The following FLNC variants were observed in gnomAD, a reference collection of about 807,000 sequenced individuals.
FLNC encodes filamin-C.
FLNC carries 91 observed loss-of-function variants against 254.3 expected under a neutral mutation model. That is an observed-to-expected ratio of 0.36 (90% CI 0.30 to 0.43). The LOEUF is 0.43. FLNC is among the 20% of genes least tolerant of loss of function. The probability of loss-of-function intolerance (pLI) is 1.00; values close to 1 mark genes in which losing one functional copy is unlikely to be tolerated. For missense variants in FLNC, 2,853 were observed against 3,802.6 expected (o/e 0.75, Z 6.57); for synonymous variants, 1,430 against 1,577.2 (o/e 0.91, Z 2.21).
Position 128,847,693 on chromosome 7 carries a change from A to G in FLNC, c.4289-4A>G. 6.2e-7 allele frequency: 1 copy of G among 1,613,876 alleles called. No homozygotes were observed. Among genetic ancestry groups the G allele is most frequent in the Non-Finnish European group, 8.5e-7 (1 of 1,179,886 alleles). On this transcript the variant is annotated splice_polypyrimidine_tract_variant and splice_region_variant and intron_variant, in intron 24 of 47. Transcript: ENST00000325888. ...GGCAGGGTCTAATGTCCTTCTCCTC[A>G]CAGGGAGCCCGTTCCGCGTGCCAGT...
intron 1 of FLNC, among the ~76,000 whole-genome samples, chr7:128,834,926 A>G (rs778994551): frequency 7.9e-5 from 12 of 152,144 alleles, no homozygotes; most frequent in Non-Finnish European, 1.8e-4. Context: ...AGCTTCTCAA[A>G]CTTCATTCTC....
chr7:128,856,052 A>G lies in FLNC; in HGVS notation c.7252-466A>G, dbSNP rs1159855138. The stretch of plus-strand genomic sequence containing the variant: ...TCCCACTCCTGAACTGGGCTCCCCG[A>G]TGCAGGCTCCAATCCCTCCCCCAGA... On this transcript the variant is annotated intron_variant, in intron 43 of 47. Coordinates refer to ENST00000325888, the MANE Select transcript of FLNC (RefSeq NM_001458.5). This position sits in a 1 kb window ranked among gnomAD's most constrained non-coding sequence, Gnocchi z 5.9. Among the ~76,000 whole-genome samples, 3 of 152,050 alleles carry G rather than the reference A, an allele frequency of 2.0e-5. No homozygotes were observed. The highest frequency in any genetic ancestry group is 4.4e-5 in the Non-Finnish European group (3 of 67,994).
At position 128,830,598 on chromosome 7, in the gene FLNC, CGCG is replaced by C. The variant is rs1562988717; in HGVS notation, c.-37_-35del. On this transcript the variant is annotated 5_prime_UTR_variant, in exon 1 of 48. Coordinates refer to ENST00000325888, the MANE Select transcript of FLNC (RefSeq NM_001458.5). Reference sequence around the variant, plus strand: ...CCCGACAGCCCCCGATAGCCCAAACCGCGGCCCTAGCCCCGGCCGCACCCCCAG... The same window carrying C: ...CCCGACAGCCCCCGATAGCCCAAACCGCCCTAGCCCCGGCCGCACCCCCAG... 1 of 1,586,132 alleles carries C rather than the reference CGCG, an allele frequency of 6.3e-7. No homozygotes were observed. The highest frequency in any genetic ancestry group is 8.6e-7 in the Non-Finnish European group (1 of 1,159,606).
rs1420123492 is a variant in FLNC, at chr7:128,843,533, A to C, written c.2767A>C (p.Asn923His). 22 of 1,613,754 alleles carry C rather than the reference A, an allele frequency of 1.4e-5. No individual in the cohort carries two copies. The highest frequency in any genetic ancestry group is 1.9e-5 in the Non-Finnish European group (22 of 1,180,012). Residue 923 changes from asparagine (N) to histidine (H), a missense_variant, in exon 18 of 48, where the codon AAC becomes CAC. Around this residue, in one of 10 missense-constraint regions of FLNC, gnomAD observed 1,573 missense variants for 1,883.5 expected, o/e 0.84. Coordinates refer to ENST00000325888, the MANE Select transcript of FLNC (RefSeq NM_001458.5). ...TGTGCGGGACTTTGAGATCATAGACAACCATGACTACTCCTACACTGTCAA... is the reference window on the plus strand; with the variant it reads ...TGTGCGGGACTTTGAGATCATAGACCACCATGACTACTCCTACACTGTCAA... ...EVVRDFEIID[N>H]HDYSYTVKYT...
In FLNC at chr7:128,852,876, G is replaced by A. The variant is rs764326184; in HGVS notation, c.6053G>A (p.Arg2018His). 52 of 1,613,610 alleles carry A rather than the reference G, an allele frequency of 3.2e-5. No homozygotes were observed. Among genetic ancestry groups the A allele is most frequent in the Non-Finnish European group, 3.8e-5 (45 of 1,180,006 alleles). The change falls in exon 37 of 48, where the codon CGC (arginine) becomes CAC (histidine). Residue 2018 changes from arginine (R) to histidine (H), a missense_variant. Transcript: ENST00000325888. ...KEVGEHVVSV[R>H]KSGKHVTNSP... Reference sequence around the variant, plus strand: ...GTCGGGGAGCACGTGGTGAGCGTGCGCAAGAGTGGCAAGCATGTCACCAAC... The same window carrying A: ...GTCGGGGAGCACGTGGTGAGCGTGCACAAGAGTGGCAAGCATGTCACCAAC...
In FLNC at chr7:128,854,528, G is replaced by A. The variant is rs2128939497; in HGVS notation, c.6843G>A (p.Gln2281=). The part of the protein sequence containing the change: ...DSAYSVRFVP[Q]EMGPHTVAVK... ...CCTACAGCGTGCGCTTTGTGCCCCAGGAAATGGGGCCCCATACGGTCGCTG... is the reference window on the plus strand; with the variant it reads ...CCTACAGCGTGCGCTTTGTGCCCCAAGAAATGGGGCCCCATACGGTCGCTG... The change falls in exon 41 of 48, where the codon CAG becomes CAA. Residue 2281 remains glutamine (Q), a synonymous_variant. Coordinates refer to ENST00000325888, the MANE Select transcript of FLNC (RefSeq NM_001458.5). The A allele has an allele frequency of 6.2e-7, 1 of 1,606,718 alleles. No individual in the cohort carries two copies. The highest frequency in any genetic ancestry group is 2.2e-5 in the East Asian group (1 of 44,582).
Position 128,854,606 on chromosome 7 carries a change from G to A in FLNC, c.6921G>A (p.Gly2307=). 6.2e-7 allele frequency: 1 copy of A among 1,611,420 alleles called. No homozygotes were observed. The highest frequency in any genetic ancestry group is 8.5e-7 in the Non-Finnish European group (1 of 1,179,108). The change falls in exon 41 of 48, where the codon GGG becomes GGA. Residue 2307 remains glycine, a synonymous_variant. Coordinates refer to ENST00000325888, the MANE Select transcript of FLNC (RefSeq NM_001458.5). ...VPGSPFQFTV[G]PLGEGGAHKV... is the part of the protein sequence containing the mutation. ...GCAGCCCCTTTCAGTTCACTGTGGG[G>A]CCGCTGGGTGAAGGTGGTGCCCACA... is the stretch of plus-strand genomic sequence containing the variant.
At chr7:128,834,536 A>G (rs1808021566) in intron 1 of FLNC, among the ~76,000 whole-genome samples, 1 of 128,192 alleles carries the variant, frequency 7.8e-6, no homozygotes, top group African/African-American at 3.0e-5. Context: ...CATTCGGGGT[A>G]GAGTGTGAGT....
intron 1 of FLNC, 124 bp downstream of exon 1, chr7:128,831,113 G>C: frequency 1.2e-6 from 1 of 867,502 alleles, no homozygotes; most frequent in Non-Finnish European, 1.8e-6. Flanking sequence ...CCCCGGTATA[G>C]AGAGAAGACC....
At chr7:128,855,437 T>C in intron 43 of FLNC, 123 bp downstream of exon 43, 1 of 726,552 alleles carries the variant, frequency 1.4e-6, no homozygotes, top group Non-Finnish European at 2.5e-6. Flanking sequence ...TAGGAGTCCC[T>C]TCTCATAAGG....
rs201845310 is a variant in FLNC at position 128,845,972 on chromosome 7, G to A, written c.3791-18G>A. The A allele has an allele frequency of 1.3e-4, 208 of 1,612,888 alleles. 1 individual carries two copies. Among genetic ancestry groups the A allele is most frequent in the South Asian group, 1.0e-3 (95 of 91,060 alleles). ...GGCTGCCCCCACCCCTGCTGAACAC[G>A]CCACCCCTGGGCTCCAGGTGTCCTG... On this transcript the variant is annotated intron_variant, in intron 21 of 47. Transcript: ENST00000325888.
Position 128,844,800 on chromosome 7 carries a change from A to G in FLNC, c.3335A>G (p.Asn1112Ser). ...GAGGCCAAGATCGAGTGCCAGGACA[A>G]TGGTGATGGCTCATGTGCTGTCAGC... ...PCEAKIECQD[N>S]GDGSCAVSYL... is the part of the protein sequence containing the mutation. The change falls in exon 21 of 48, where the codon AAT (asparagine) becomes AGT (serine). Residue 1112 changes from asparagine (N) to serine (S), a missense_variant. By Grantham distance (46) the Asn-to-Ser change is conservative. This residue lies in a region of FLNC where 1,573 missense variants were observed against 1,883.5 expected (regional missense o/e 0.84). Transcript: ENST00000325888. 6.2e-7 allele frequency: 1 copy of G among 1,614,144 alleles called. No individual in the cohort carries two copies. Among genetic ancestry groups the G allele is most frequent in the South Asian group, 1.1e-5 (1 of 91,090 alleles).
intron 17 of FLNC, 25 bp from the exon 18 acceptor site, chr7:128,843,383 A>G (rs1808421926): frequency 6.2e-7 from 1 of 1,613,630 alleles, no homozygotes; most frequent in Non-Finnish European, 8.5e-7. Context: ...CCAGGCCCTC[A>G]CCACATCTCT....
Position 128,849,423 on chromosome 7 carries a change from G to A in FLNC, c.5044G>A (p.Val1682Met). ...AAGEGKVTCT[V>M]STPDGAELDV... ...CGGTGAGGGGAAGGTGACATGCACG[G>A]TGTCCACGCCGGATGGGGCAGAGCT... The change falls in exon 30 of 48, where the codon GTG becomes ATG. Residue 1682 changes from valine (V) to methionine (M), a missense_variant. Physicochemically the swap from Val to Met is conservative, Grantham distance 21. This residue lies in a region of FLNC where 258 missense variants were observed against 312.3 expected (regional missense o/e 0.83). Transcript: ENST00000325888. 1 of 1,614,224 alleles carries A rather than the reference G, an allele frequency of 6.2e-7. No individual in the cohort carries two copies. The highest frequency in any genetic ancestry group is 8.5e-7 in the Non-Finnish European group (1 of 1,180,036).
intron 31 of FLNC, 132 bp downstream of exon 31, chr7:128,850,206 C>A: frequency 1.1e-6 from 1 of 938,906 alleles, no homozygotes; most frequent in Admixed American, 1.9e-5. Flanking sequence ...TTAGGCTGGG[C>A]AGATGGAACC....
rs766612482 is a variant in FLNC, at chr7:128,847,953, G to A, written c.4465G>A (p.Glu1489Lys). The A allele has an allele frequency of 5.0e-6, 8 of 1,613,444 alleles. No homozygotes were observed. Among genetic ancestry groups the A allele is most frequent in the South Asian group, 3.3e-5 (3 of 91,058 alleles). The change falls in exon 26 of 48, where the codon GAG (glutamate) becomes AAG (lysine). Residue 1489 changes from glutamate (E) to lysine (K), a missense_variant. Coordinates refer to ENST00000325888, the MANE Select transcript of FLNC (RefSeq NM_001458.5). ...CTGTGCCCCTTGCCCAGGTGTGGCC[G>A]AGCCTGTGGAGGTGCGGGACAATGG... is the stretch of plus-strand genomic sequence containing the variant. The part of the protein sequence containing the change: ...VAVLGPTGVA[E>K]PVEVRDNGDG...
At position 128,857,432 on chromosome 7, in the gene FLNC, C is replaced by A; in HGVS notation, c.7780+96C>A. The A allele has an allele frequency of 3.9e-6, 3 of 760,088 alleles. No individual in the cohort carries two copies. The East Asian group carries it at 8.0e-5, about 20-fold the overall frequency. 47.1% of individuals were successfully genotyped at this position (760,088 alleles called of 1,614,324 possible). A position where few individuals can be genotyped will look rare whatever the true frequency, so the allele number is the denominator to read the frequency against. The stretch of plus-strand genomic sequence containing the variant: ...GCACATCTAGGCCATAGTCTGCCCC[C>A]AGACATCATGGTCAGTTTACCAGGG... On this transcript the variant is annotated intron_variant, in intron 46 of 47. Transcript: ENST00000325888. The surrounding 1 kb of genome is among the most constrained non-coding windows in gnomAD (Gnocchi z 4.5).
chr7:128,837,418 T>C lies in FLNC; in HGVS notation c.720T>C (p.Ile240=), dbSNP rs2291560. 0.11 allele frequency: 181,161 copies of C among 1,613,948 alleles called. 10,454 individuals carry two copies. Among genetic ancestry groups the C allele is most frequent in the South Asian group, 0.14 (12,991 of 91,084 alleles). Residue 240 remains isoleucine (I), a synonymous_variant, in exon 4 of 48, where the codon ATT becomes ATC. Coordinates refer to ENST00000325888, the MANE Select transcript of FLNC (RefSeq NM_001458.5). ...GVPQVIAPEE[I]VDPNVDEHSV... is the part of the protein sequence containing the mutation. ...CGCAGGTCATTGCCCCTGAGGAGAT[T>C]GTGGACCCCAACGTGGATGAGCATT... is the stretch of plus-strand genomic sequence containing the variant.
chr7:128,838,380 T>G lies in FLNC; in HGVS notation c.1161T>G (p.Pro387=). 6.2e-7 allele frequency: 1 copy of G among 1,614,002 alleles called. No homozygotes were observed. The highest frequency in any genetic ancestry group is 8.5e-7 in the Non-Finnish European group (1 of 1,180,002). ...KVSARGPGLE[P]VGNVANKPTY... ...CAGCCCGTGGCCCTGGCCTGGAACC[T>G]GTGGGCAATGTGGCCAACAAACCCA... is the stretch of plus-strand genomic sequence containing the variant. The change falls in exon 7 of 48, where the codon CCT becomes CCG. Residue 387 remains proline (P), a synonymous_variant. Coordinates refer to ENST00000325888, the MANE Select transcript of FLNC (RefSeq NM_001458.5).
Sources: allele counts gnomAD v4.1 joint callset (sites outside exome capture counted in the v4.1 genomes callset), GRCh38; gene constraint gnomAD v4.1.1; regional missense constraint gnomAD v4.1.1; non-coding constraint Gnocchi (gnomAD v3.1); transcripts MANE v1.5; gene names NCBI Gene and HGNC (gene_info 2026-07-23, HGNC 2026-07-21).